The following L3MBTL4 variants were observed in gnomAD, a reference collection of about 807,000 sequenced individuals.
The protein encoded by L3MBTL4 is L3MBTL histone methyl-lysine binding protein 4.
L3MBTL4 carries 70 observed loss-of-function variants against 84.5 expected under a neutral mutation model. That is an observed-to-expected ratio of 0.83 (90% CI 0.68 to 1.01). The LOEUF is 1.01. Ranked by LOEUF, L3MBTL4 falls within the 50% of genes least tolerant of loss-of-function variation. L3MBTL4 has a pLI of 0.00. For missense variants in L3MBTL4, 715 were observed against 754.8 expected (o/e 0.95, Z 0.62); for synonymous variants, 274 against 259.8 (o/e 1.05, Z -0.52).
intron 1 of L3MBTL4, among the ~76,000 whole-genome samples, chr18:6,362,049 C>T (rs1414395531): frequency 2.0e-5 from 3 of 149,004 alleles, no homozygotes; most frequent in Middle Eastern, 3.4e-3. Context: ...TTCAAGGTTG[C>T]AGTGAGCCAT....
At chr18:6,223,610 C>T (rs1357029389) in intron 10 of L3MBTL4, among the ~76,000 whole-genome samples, 1 of 152,106 alleles carries the variant, frequency 6.6e-6, no homozygotes, top group Non-Finnish European at 1.5e-5. Context: ...CCACAAAATA[C>T]GTACAGTATA....
intron 1 of L3MBTL4, among the ~76,000 whole-genome samples, chr18:6,318,519 A>C (rs2051232705): frequency 6.8e-6 from 1 of 146,914 alleles, no homozygotes; most frequent in African/African-American, 2.5e-5. Flanking sequence ...AAAAAAAAAA[A>C]AAAAAAGACA....
intron 13 of L3MBTL4, among the ~76,000 whole-genome samples, chr18:6,167,134 T>C (rs1258895460): frequency 3.9e-5 from 6 of 152,102 alleles, no homozygotes; most frequent in Non-Finnish European, 7.4e-5. Context: ...CAGGAAGAAG[T>C]TGAATCTCTG....
intron 1 of L3MBTL4, among the ~76,000 whole-genome samples, chr18:6,401,299 T>C (rs1378921381): frequency 6.6e-6 from 1 of 152,208 alleles, no homozygotes; most frequent in Admixed American, 6.5e-5. Flanking sequence ...AAGCACCGTT[T>C]ATAGATATCA....
At chr18:6,256,622 C>T (rs961168853) in intron 5 of L3MBTL4, 2 of 151,426 alleles carry the variant, frequency 1.3e-5, no homozygotes, top group Admixed American at 6.6e-5. Flanking sequence ...GGGAACGCCA[C>T]GATTGTGCCT....
At chr18:5,958,113 AAGAAG>A (rs1307781669) in intron 18 of L3MBTL4, among the ~76,000 whole-genome samples, 5 of 65,914 alleles carry the variant, frequency 7.6e-5, no homozygotes, top group Admixed American at 1.5e-4. Context: ...GAAGAAGAAG[AAGAAG>A]AAGAAGAAGA....
chr18:6,221,589 G>A (rs2046556425), intron 10 of L3MBTL4, among the ~76,000 whole-genome samples: 1 of 152,146 alleles, frequency 6.6e-6, no homozygotes, highest in Admixed American at 6.6e-5. Flanking sequence ...CTCCTGACTT[G>A]CAATTTGTAG....
chr18:6,195,697 G>A (rs1046127151), intron 12 of L3MBTL4, among the ~76,000 whole-genome samples: 18 of 152,098 alleles, frequency 1.2e-4, no homozygotes, highest in African/African-American at 4.1e-4. Flanking sequence ...GTGGCTGAGC[G>A]GAAAACATTT....
At position 6,290,530 on chromosome 18, in the gene L3MBTL4, T is replaced by A. The variant is rs186048126; in HGVS notation, c.127+11373A>T. Among the ~76,000 whole-genome samples the A allele has an allele frequency of 1.9e-3, 289 of 151,888 alleles. 1 individual carries two copies. Among genetic ancestry groups the A allele is most frequent in the African/African-American group, 4.6e-3 (191 of 41,390 alleles). On this transcript the variant is annotated intron_variant, in intron 4 of 18. Transcript: ENST00000317931. Reference sequence around the variant, plus strand: ...GAACTGACTGGAATTCTTTTATTTTTTTTTTTTAATTTTTTGAGACAGAGT... The same window carrying A: ...GAACTGACTGGAATTCTTTTATTTTATTTTTTTAATTTTTTGAGACAGAGT...
intron 4 of L3MBTL4, among the ~76,000 whole-genome samples, chr18:6,295,449 A>C (rs1019002896): frequency 6.7e-6 from 1 of 148,830 alleles, no homozygotes; most frequent in African/African-American, 2.5e-5. Context: ...TTACTGATTG[A>C]CTCCAGGAAG....
chr18:6,017,434 A>G (rs1256005695), intron 16 of L3MBTL4, among the ~76,000 whole-genome samples: 2 of 152,208 alleles, frequency 1.3e-5, no homozygotes, highest in Non-Finnish European at 2.9e-5. Context: ...CTTTTTCTAG[A>G]GTTTTACACT....
chr18:6,258,514 G>A (rs1203138504), intron 5 of L3MBTL4: 1 of 152,450 alleles, frequency 6.6e-6, no homozygotes, highest in Non-Finnish European at 1.5e-5. Context: ...GCTGGCCAGG[G>A]AAAATGTGAA....
At chr18:6,216,945 A>T (rs764437011) in intron 10 of L3MBTL4, among the ~76,000 whole-genome samples, 23 of 152,202 alleles carry the variant, frequency 1.5e-4, no homozygotes, top group Non-Finnish European at 3.1e-4. Context: ...AACAATTTTT[A>T]AAAAACAGAG....
At chr18:6,398,322 A>G (rs1236665747) in intron 1 of L3MBTL4, among the ~76,000 whole-genome samples, 10 of 152,188 alleles carry the variant, frequency 6.6e-5, no homozygotes, top group Admixed American at 4.6e-4. Context: ...GTGGCTCTGT[A>G]ATGAATGGCC....
chr18:6,363,922 C>T (rs987821097), intron 1 of L3MBTL4, among the ~76,000 whole-genome samples: 3 of 152,034 alleles, frequency 2.0e-5, no homozygotes, highest in Non-Finnish European at 4.4e-5. Flanking sequence ...CATGCTCCCT[C>T]GACATCTAAC....
At chr18:6,145,469 A>G (rs2042607892) in intron 13 of L3MBTL4, among the ~76,000 whole-genome samples, 5 of 149,780 alleles carry the variant, frequency 3.3e-5, no homozygotes, top group Admixed American at 3.3e-4. Context: ...TTATGGATTG[A>G]TGTTGGCCAG....
At chr18:6,127,555 A>T (rs2059734650) in intron 14 of L3MBTL4, among the ~76,000 whole-genome samples, 1 of 152,238 alleles carries the variant, frequency 6.6e-6, no homozygotes, top group Non-Finnish European at 1.5e-5. Flanking sequence ...GGAAAATTGA[A>T]TTCATCCTTT....
At chr18:6,211,267 T>G (rs984686876) in intron 12 of L3MBTL4, among the ~76,000 whole-genome samples, 1 of 152,190 alleles carries the variant, frequency 6.6e-6, no homozygotes, top group African/African-American at 2.4e-5. Context: ...TTTCTACATA[T>G]TCAGACAACA....
At chr18:5,990,090 A>T (rs1429933450) in intron 16 of L3MBTL4, among the ~76,000 whole-genome samples, 1 of 152,196 alleles carries the variant, frequency 6.6e-6, no homozygotes, top group Non-Finnish European at 1.5e-5. Flanking sequence ...CCACTCACTC[A>T]GAAGGGCTTG....
Sources: allele counts gnomAD v4.1 joint callset (sites outside exome capture counted in the v4.1 genomes callset), GRCh38; gene constraint gnomAD v4.1.1; transcripts MANE v1.5; gene names NCBI Gene and HGNC (gene_info 2026-07-23, HGNC 2026-07-21).